CNTRL: variants seen among roughly 807,000 people sequenced by gnomAD.
The protein encoded by CNTRL is 110 kDa centrosomal protein.
Under a neutral mutation model 303.7 loss-of-function variants are expected in CNTRL, and 233 were observed. The ratio of observed to expected loss-of-function variants is 0.77; its 90% CI spans 0.69 to 0.86. CNTRL has a LOEUF of 0.86. Ranked by LOEUF, CNTRL falls within the 40% of genes least tolerant of loss-of-function variation. CNTRL has a pLI of 0.00. For missense variants in CNTRL, 2,524 were observed against 2,650.6 expected (o/e 0.95, Z 1.05); for synonymous variants, 900 against 922.2 (o/e 0.98, Z 0.44).
chr9:121,150,191 G>C lies in CNTRL; in HGVS notation c.3671G>C (p.Ser1224Thr). 2 of 1,612,662 alleles carry C rather than the reference G, an allele frequency of 1.2e-6. No individual in the cohort carries two copies. The highest frequency in any genetic ancestry group is 1.7e-6 in the Non-Finnish European group (2 of 1,179,092). The change falls in exon 25 of 44, where the codon AGT becomes ACT. Residue 1224 changes from serine (S) to threonine (T), a missense_variant. Physicochemically the swap from Ser to Thr is moderately conservative, Grantham distance 58. Coordinates refer to ENST00000373855, the MANE Select transcript of CNTRL (RefSeq NM_007018.6). Reference sequence around the variant, plus strand: ...GAAGATGCAGACAGTGGAGGAGATAGTCAGGAAGAGAGTGAGCTGGATGAC... The same window carrying C: ...GAAGATGCAGACAGTGGAGGAGATACTCAGGAAGAGAGTGAGCTGGATGAC... ...PSRDADSGGD[S>T]QEESELDDQE...
At chr9:121,123,420 A>C (rs984528713) in intron 12 of CNTRL, among the ~76,000 whole-genome samples, 5 of 152,032 alleles carry the variant, frequency 3.3e-5, no homozygotes, top group African/African-American at 1.2e-4. Context: ...GTCTGTACTA[A>C]AAAAAACAAC....
intron 2 of CNTRL, among the ~76,000 whole-genome samples, chr9:121,083,489 T>A (rs931889294): frequency 6.6e-6 from 1 of 152,238 alleles, no homozygotes; most frequent in Non-Finnish European, 1.5e-5. Context: ...CTTGTTCCAC[T>A]GGAAGGTCTT....
chr9:121,153,645 C>T (rs1171502899), intron 26 of CNTRL, among the ~76,000 whole-genome samples: 2 of 152,190 alleles, frequency 1.3e-5, no homozygotes, highest in Non-Finnish European at 2.9e-5. Context: ...CAGCACCTGT[C>T]ATAGGGTCAC....
At chr9:121,111,349 T>C (rs1283490823) in intron 8 of CNTRL, 2 of 152,202 alleles carry the variant, frequency 1.3e-5, no homozygotes, top group East Asian at 1.9e-4. Flanking sequence ...CAATAACATA[T>C]GTAAAATGCT....
chr9:121,088,525 G>A lies in CNTRL; in HGVS notation c.199G>A (p.Asp67Asn), dbSNP rs901156822. ...EIADENNMLL[D>N]YQDHKGADSH... ...TGCAGATGAAAACAATATGCTTTTG[G>A]ACTATCAAGACCATAAAGGTATCAC... Residue 67 changes from aspartate to asparagine, a missense_variant, in exon 3 of 44, where the codon GAC becomes AAC. By Grantham distance (23) the Asp-to-Asn change is conservative. Coordinates refer to ENST00000373855, the MANE Select transcript of CNTRL (RefSeq NM_007018.6). 1 of 1,602,294 alleles carries A rather than the reference G, an allele frequency of 6.2e-7. No individual in the cohort carries two copies. Among genetic ancestry groups the A allele is most frequent in the Admixed American group, 1.7e-5 (1 of 60,008 alleles).
chr9:121,088,501 G>A lies in CNTRL; in HGVS notation c.175G>A (p.Ala59Thr). The A allele has an allele frequency of 1.2e-6, 2 of 1,612,138 alleles. No homozygotes were observed. The highest frequency in any genetic ancestry group is 1.7e-6 in the Non-Finnish European group (2 of 1,178,262). ...GGQWCEQVEI[A>T]DENNMLLDYQ... ...ACAGTGGTGTGAGCAAGTTGAGATTGCAGATGAAAACAATATGCTTTTGGA... is the reference window on the plus strand; with the variant it reads ...ACAGTGGTGTGAGCAAGTTGAGATTACAGATGAAAACAATATGCTTTTGGA... Residue 59 changes from alanine to threonine, a missense_variant, in exon 3 of 44, where the codon GCA (alanine) becomes ACA (threonine). Ala to Thr is a moderately conservative substitution (Grantham distance 58). Coordinates refer to ENST00000373855, the MANE Select transcript of CNTRL (RefSeq NM_007018.6).
intron 23 of CNTRL, 77 bp downstream of exon 23, chr9:121,146,333 T>C: frequency 7.1e-7 from 1 of 1,417,724 alleles, no homozygotes; most frequent in Non-Finnish European, 9.6e-7. Context: ...TCCCCAAATT[T>C]ATGAACAGGT....
chr9:121,165,687 C>A lies in CNTRL; in HGVS notation c.5582-420C>A, dbSNP rs115054594. The stretch of plus-strand genomic sequence containing the variant: ...TCATTTGTAAATAAGGAAACTGAAG[C>A]TTAGTTTTCTTGTGACTGCTTAAAT... On this transcript the variant is annotated intron_variant, in intron 35 of 43. Transcript: ENST00000373855. Among the ~76,000 whole-genome samples the A allele has an allele frequency of 8.6e-3, 1,303 of 152,160 alleles. 24 individuals are homozygous for A. Among genetic ancestry groups the A allele is most frequent in the African/African-American group, 0.03 (1,228 of 41,504 alleles).
At position 121,096,533 on chromosome 9, in the gene CNTRL, C is replaced by T. The variant is rs369398489; in HGVS notation, c.591C>T (p.Val197=). Residue 197 remains valine (V), a synonymous_variant, in exon 6 of 44, where the codon GTC becomes GTT. Transcript: ENST00000373855. ...WLGKKLKSLR[V]LNLKGNKISS... ...GGAAGAAGTTAAAATCTTTGCGAGT[C>T]CTCAATTTGAAAGGCAACAAGATAT... 7 of 1,486,706 alleles carry T rather than the reference C, an allele frequency of 4.7e-6. No individual in the cohort carries two copies. The highest frequency in any genetic ancestry group is 5.4e-6 in the Non-Finnish European group (6 of 1,108,456). The allele number at this position is 1,486,706 out of a possible 1,614,324, so 92.1% of individuals were successfully genotyped here. A position where few individuals can be genotyped will look rare whatever the true frequency, so the allele number is the denominator to read the frequency against.
intron 7 of CNTRL, among the ~76,000 whole-genome samples, 165 bp downstream of exon 7, chr9:121,098,737 C>G (rs1348647941): frequency 6.6e-6 from 1 of 151,618 alleles, no homozygotes; most frequent in African/African-American, 2.4e-5. Context: ...TACTGTGCAC[C>G]AGGCAACTGG....
Position 121,150,329 on chromosome 9 carries a change from C to G in CNTRL, c.3809C>G (p.Pro1270Arg). The change falls in exon 25 of 44, where the codon CCA (proline) becomes CGA (arginine). Residue 1270 changes from proline to arginine, a missense_variant. By Grantham distance (103) the Pro-to-Arg change is moderately radical (BLOSUM62 -2). Coordinates refer to ENST00000373855, the MANE Select transcript of CNTRL (RefSeq NM_007018.6). ...MALYAPPPPL[P>R]NNSRPLTPGT... ...CTGTATGCACCACCTCCTCCCTTGC[C>G]AAACAATAGCCGACCTCTCACCCCT... The G allele has an allele frequency of 1.2e-6, 2 of 1,614,160 alleles. No homozygotes were observed. Among genetic ancestry groups the G allele is most frequent in the Non-Finnish European group, 1.7e-6 (2 of 1,180,024 alleles).
intron 23 of CNTRL, among the ~76,000 whole-genome samples, chr9:121,147,706 C>T (rs2051963410): frequency 6.6e-6 from 1 of 152,070 alleles, no homozygotes; most frequent in Non-Finnish European, 1.5e-5. Context: ...TAGAATCAGC[C>T]GATGAGCAAT....
chr9:121,164,520 C>T (rs2053006013), intron 34 of CNTRL, among the ~76,000 whole-genome samples: 1 of 152,176 alleles, frequency 6.6e-6, no homozygotes, highest in Non-Finnish European at 1.5e-5. Context: ...CTCAAAGTAA[C>T]TACGTTGAGT....
intron 15 of CNTRL, among the ~76,000 whole-genome samples, chr9:121,136,917 A>G (rs2051230073): frequency 6.6e-6 from 1 of 152,188 alleles, no homozygotes; most frequent in South Asian, 2.1e-4. Flanking sequence ...ACCACCCTAC[A>G]GAAATGATGT....
At chr9:121,099,542 T>C (rs1043322045) in intron 7 of CNTRL, among the ~76,000 whole-genome samples, 19 of 152,226 alleles carry the variant, frequency 1.2e-4, no homozygotes, top group Middle Eastern at 3.4e-3. Context: ...GGAACAAAGA[T>C]GGATGGAGAA....
intron 16 of CNTRL, among the ~76,000 whole-genome samples, chr9:121,139,019 T>C (rs2051355424): frequency 1.3e-5 from 2 of 152,182 alleles, no homozygotes; most frequent in Admixed American, 6.6e-5. Context: ...AAGGATCAGA[T>C]TGGTGCATCC....
chr9:121,126,179 G>A (rs1191669822), intron 14 of CNTRL, among the ~76,000 whole-genome samples: 1 of 151,910 alleles, frequency 6.6e-6, no homozygotes, highest in East Asian at 1.9e-4. Context: ...ATCCCTGAAA[G>A]GTATTGTTGC....
chr9:121,159,130 G>A (rs2052730461), intron 31 of CNTRL, 111 bp downstream of exon 31: 2 of 1,098,154 alleles, frequency 1.8e-6, no homozygotes, highest in South Asian at 3.2e-5. Context: ...CTGAAATCTT[G>A]CCTCCTCTGT....
chr9:121,125,681 A>G, intron 13 of CNTRL, 35 bp from the exon 14 acceptor site: 1 of 1,575,360 alleles, frequency 6.3e-7, no homozygotes, highest in East Asian at 2.2e-5. Flanking sequence ...GTACTTTAAA[A>G]AGATATATTA....
Sources: allele counts gnomAD v4.1 joint callset (sites outside exome capture counted in the v4.1 genomes callset), GRCh38; gene constraint gnomAD v4.1.1; transcripts MANE v1.5; gene names NCBI Gene and HGNC (gene_info 2026-07-23, HGNC 2026-07-21).